SLC20A2: variants seen among roughly 807,000 people sequenced by gnomAD.
The protein encoded by SLC20A2 is sodium-dependent phosphate transporter 2.
SLC20A2 carries 30 observed loss-of-function variants against 61.0 expected under a neutral mutation model. The ratio of observed to expected loss-of-function variants is 0.49; its 90% CI spans 0.37 to 0.67. The LOEUF is 0.67. Ranked by LOEUF, SLC20A2 falls within the 30% of genes least tolerant of loss-of-function variation. The pLI is 0.00. For synonymous variants in SLC20A2, 351 were observed against 353.3 expected (o/e 0.99, Z 0.07); for missense variants, 626 against 866.4 (o/e 0.72, Z 3.48).
intron 5 of SLC20A2, among the ~76,000 whole-genome samples, chr8:42,448,019 C>T (rs1805362667): frequency 1.3e-5 from 2 of 152,328 alleles, no homozygotes; most frequent in South Asian, 4.1e-4. Flanking sequence ...CCAAGGCTTC[C>T]CAGCGTCTGC....
chr8:42,417,628 G>A lies in SLC20A2; in HGVS notation c.*175C>T, dbSNP rs1401192920. On this transcript the variant is annotated 3_prime_UTR_variant, in exon 11 of 11. Coordinates refer to ENST00000520262, the MANE Select transcript of SLC20A2 (RefSeq NM_001257180.2). Reference sequence around the variant, plus strand: ...TAGTTAAGTTAGCTCGGGAAGGTGAGTCTCCGCAGCCTGGGTGAACAGTGT... The same window carrying A: ...TAGTTAAGTTAGCTCGGGAAGGTGAATCTCCGCAGCCTGGGTGAACAGTGT... The A allele has an allele frequency of 1.8e-6, 1 of 566,386 alleles. No homozygotes were observed. Among genetic ancestry groups the A allele is most frequent in the Non-Finnish European group, 3.1e-6 (1 of 325,730 alleles). The allele number at this position is 566,386 out of a possible 1,614,324, so 35.1% of individuals were successfully genotyped here.
chr8:42,447,626 A>G (rs1467752633), intron 5 of SLC20A2, among the ~76,000 whole-genome samples: 11 of 152,330 alleles, frequency 7.2e-5, no homozygotes, highest in East Asian at 3.9e-4. Context: ...GCAGTGAGCC[A>G]AGATCACGCC....
At chr8:42,531,837 T>C (rs1051383249) in intron 1 of SLC20A2, among the ~76,000 whole-genome samples, 5 of 148,044 alleles carry the variant, frequency 3.4e-5, no homozygotes, top group East Asian at 2.1e-4. Context: ...TTTTTTCTTT[T>C]TGAGACAGAG....
At chr8:42,526,267 T>C (rs192029916) in intron 1 of SLC20A2, among the ~76,000 whole-genome samples, 5 of 151,626 alleles carry the variant, frequency 3.3e-5, no homozygotes, top group African/African-American at 1.2e-4. Flanking sequence ...AACCCCAGCA[T>C]AACCATGAGA....
intron 4 of SLC20A2, among the ~76,000 whole-genome samples, 178 bp downstream of exon 4, chr8:42,462,827 G>T (rs576491138): frequency 7.4e-4 from 113 of 152,282 alleles, no homozygotes; most frequent in African/African-American, 2.7e-3. Context: ...GACTCTCTGG[G>T]TAATTTACCT....
rs748895007 is a variant in SLC20A2 at position 42,437,422 on chromosome 8, C to T, written c.1090G>A (p.Asp364Asn). 6.2e-6 allele frequency: 10 copies of T among 1,613,970 alleles called. No individual in the cohort carries two copies. The highest frequency in any genetic ancestry group is 8.5e-6 in the Non-Finnish European group (10 of 1,180,032). Residue 364 changes from aspartate (D) to asparagine (N), a missense_variant, in exon 8 of 11, where the codon GAC (aspartate) becomes AAC (asparagine). Transcript: ENST00000520262. The surrounding 1 kb of genome is among the most constrained non-coding windows in gnomAD (Gnocchi z 6.4). ...YKDLLHKIHI[D>N]RGPEEKPAQE... ...GCTGGCTTCTCCTCGGGGCCCCTGT[C>T]GATGTGGATTTTGTGCAGCAGATCT...
At chr8:42,454,621 A>ATT (rs34104662) in intron 5 of SLC20A2, among the ~76,000 whole-genome samples, 3 of 144,518 alleles carry the variant, frequency 2.1e-5, no homozygotes, top group Non-Finnish European at 3.1e-5. Context: ...CCTTACACAG[A>ATT]TTTTTTTTTT....
At chr8:42,421,047 G>T (rs1803003906) in intron 10 of SLC20A2, among the ~76,000 whole-genome samples, 1 of 152,150 alleles carries the variant, frequency 6.6e-6, no homozygotes, top group Non-Finnish European at 1.5e-5. Context: ...TCCTGTTCAG[G>T]TTGTATTTAG....
rs528954044 is a variant in SLC20A2, at chr8:42,488,678, A to G, written c.-265+12353T>C. Among the ~76,000 whole-genome samples the G allele has an allele frequency of 1.6e-4, 25 of 152,210 alleles. No individual in the cohort carries two copies. The South Asian group carries it at 5.0e-3, about 30-fold the overall frequency. Reference sequence around the variant, plus strand: ...CTCACCAATAGTGCACAAGGGTTCCAATTTCTCATTACCCTCATCAACACC... The same window carrying G: ...CTCACCAATAGTGCACAAGGGTTCCGATTTCTCATTACCCTCATCAACACC... On this transcript the variant is annotated intron_variant, in intron 1 of 10. Transcript: ENST00000520262.
In SLC20A2 at chr8:42,417,164, A is replaced by T. The variant is rs1450672988; in HGVS notation, c.*639T>A. The T allele has an allele frequency of 6.5e-6, 1 of 152,802 alleles. No individual in the cohort carries two copies. The highest frequency in any genetic ancestry group is 1.5e-5 in the Non-Finnish European group (1 of 68,136). 9.5% of individuals were successfully genotyped at this position (152,802 alleles called of 1,614,324 possible). On this transcript the variant is annotated 3_prime_UTR_variant, in exon 11 of 11. Coordinates refer to ENST00000520262, the MANE Select transcript of SLC20A2 (RefSeq NM_001257180.2). ...TATAAGGGAAGCACACCATTAAAAA[A>T]TTACAGTTTTACGTATTTACAAAAG...
intron 10 of SLC20A2, among the ~76,000 whole-genome samples, chr8:42,420,235 A>G (rs1393626703): frequency 6.6e-6 from 1 of 152,066 alleles, no homozygotes; most frequent in Non-Finnish European, 1.5e-5. Context: ...TTTACATACT[A>G]AAATCTAATG....
At chr8:42,435,911 G>A (rs1174908067) in intron 8 of SLC20A2, among the ~76,000 whole-genome samples, 2 of 152,116 alleles carry the variant, frequency 1.3e-5, no homozygotes, top group Non-Finnish European at 2.9e-5. Flanking sequence ...GAGGTCAGGA[G>A]TTTGAGACCA....
At chr8:42,538,706 T>G (rs969959099) in intron 1 of SLC20A2, among the ~76,000 whole-genome samples, 1 of 152,128 alleles carries the variant, frequency 6.6e-6, no homozygotes, top group Non-Finnish European at 1.5e-5. Flanking sequence ...AGAGCCAAAT[T>G]TTGAAGGAAT....
rs562968554 is a variant in SLC20A2, at chr8:42,511,209, G to T, written c.-265+30612C>A. ...GCACTTGAAGGGCAGATGCCCACGT[G>T]TGTGGTGGAAGACAATACTTGATAC... On this transcript the variant is annotated intron_variant, in intron 1 of 10. Transcript: ENST00000342228. Among the ~76,000 whole-genome samples, 311 of 152,326 alleles carry T rather than the reference G, an allele frequency of 2.0e-3. 1 individual carries two copies. The highest frequency in any genetic ancestry group is 3.8e-3 in the Non-Finnish European group (256 of 68,034).
In SLC20A2 at chr8:42,444,744, G is replaced by C. The variant is rs1395925270; in HGVS notation, c.632C>G (p.Pro211Arg). ...GGAAATGAGGGCTATGGCCCACATGGGGAGAACAAGGCCGAGCACTGGGAA... is the reference window on the plus strand; with the variant it reads ...GGAAATGAGGGCTATGGCCCACATGCGGAGAACAAGGCCGAGCACTGGGAA... ...TGAPVLGLVL[P>R]MWAIALISFG... Residue 211 changes from proline (P) to arginine (R), a missense_variant, in exon 6 of 11, where the codon CCC becomes CGC. Coordinates refer to ENST00000520262, the MANE Select transcript of SLC20A2 (RefSeq NM_001257180.2). The C allele has an allele frequency of 6.2e-7, 1 of 1,613,752 alleles. No homozygotes were observed. The highest frequency in any genetic ancestry group is 1.1e-5 in the South Asian group (1 of 91,038).
At chr8:42,507,392 A>G (rs906267358) in intron 1 of SLC20A2, among the ~76,000 whole-genome samples, 5 of 151,920 alleles carry the variant, frequency 3.3e-5, no homozygotes, top group African/African-American at 9.7e-5. Context: ...AAAAAAAAAA[A>G]GACGCAAACT....
rs532263007 is a variant in SLC20A2 at position 42,437,313 on chromosome 8, G to A, written c.1199C>T (p.Ala400Val). Residue 400 changes from alanine (A) to valine (V), a missense_variant, in exon 8 of 11, where the codon GCC becomes GTC. Coordinates refer to ENST00000520262, the MANE Select transcript of SLC20A2 (RefSeq NM_001257180.2). This position sits in a 1 kb window ranked among gnomAD's most constrained non-coding sequence, Gnocchi z 6.4. ...CGATGAGTCCGCAGCTCGAAAGGTGGCGTGCACTGGCAGCCCACAAATGGC... is the reference window on the plus strand; with the variant it reads ...CGATGAGTCCGCAGCTCGAAAGGTGACGTGCACTGGCAGCCCACAAATGGC... ...TAAICGLPVH[A>V]TFRAADSSAP... 1.9e-6 allele frequency: 3 copies of A among 1,614,222 alleles called. No individual in the cohort carries two copies. The highest frequency in any genetic ancestry group is 3.3e-5 in the Admixed American group (2 of 60,032).
upstream of SLC20A2, among the ~76,000 whole-genome samples, chr8:42,503,921 G>A (rs1428964842): frequency 6.6e-6 from 1 of 152,160 alleles, no homozygotes. Context: ...TCCTCAAGGA[G>A]CTCAAAGTTT....
chr8:42,443,428 G>C (rs1804959838), intron 6 of SLC20A2, among the ~76,000 whole-genome samples: 1 of 150,756 alleles, frequency 6.6e-6, no homozygotes, highest in Non-Finnish European at 1.5e-5. Context: ...CAATTCTCCT[G>C]TCTCAGCCTC....
Sources: allele counts gnomAD v4.1 joint callset (sites outside exome capture counted in the v4.1 genomes callset), GRCh38; gene constraint gnomAD v4.1.1; non-coding constraint Gnocchi (gnomAD v3.1); transcripts MANE v1.5; gene names NCBI Gene and HGNC (gene_info 2026-07-23, HGNC 2026-07-21).